UMOD: variants seen among roughly 807,000 people sequenced by gnomAD.
UMOD encodes uromodulin.
UMOD carries 64 observed loss-of-function variants against 66.0 expected under a neutral mutation model. The observed-to-expected ratio is 0.97, with a 90% CI of 0.79 to 1.19. The LOEUF (loss-of-function observed/expected upper bound fraction) is 1.19. UMOD is among the 50% of genes most tolerant of loss of function. The probability of loss-of-function intolerance (pLI) is 0.00; values close to 1 mark genes in which losing one functional copy is unlikely to be tolerated. For missense variants in UMOD, 764 were observed against 850.9 expected, an observed-to-expected ratio of 0.90 and a Z score of 1.27; for synonymous variants, 398 against 352.7, an observed-to-expected ratio of 1.13 and a Z score of -1.44.
intron 1 of UMOD, 141 bp from the exon 2 acceptor site, chr16:20,350,980 GT>G: frequency 1.3e-6 from 1 of 788,384 alleles, no homozygotes; most frequent in East Asian, 3.3e-5. Context: ...TGCAGCCCTT[GT>G]TTTGCTGGGA....
In UMOD at chr16:20,341,181, A is replaced by G. The variant is rs1462975176; in HGVS notation, c.1487T>C (p.Leu496Pro). 1 of 1,614,068 alleles carries G rather than the reference A, an allele frequency of 6.2e-7. No individual in the cohort carries two copies. Among genetic ancestry groups the G allele is most frequent in the Non-Finnish European group, 8.5e-7 (1 of 1,180,014 alleles). ...GGTCATGAGCAGTGCAAATCGGGAC[A>G]GGTCGCCCCCATCCAACATGGTGCC... ...YVGTMLDGGD[L>P]SRFALLMTNC... Residue 496 changes from leucine (L) to proline (P), a missense_variant, in exon 7 of 11, where the codon CTG becomes CCG. By Grantham distance (98) the Leu-to-Pro change is moderately conservative. Transcript: ENST00000396138.
chr16:20,339,825 G>A (rs1007172458), intron 7 of UMOD, among the ~76,000 whole-genome samples: 1 of 152,144 alleles, frequency 6.6e-6, no homozygotes, highest in Non-Finnish European at 1.5e-5. Flanking sequence ...TCTATTTACT[G>A]TGAAATCCAC....
At chr16:20,344,533 G>A (rs1331509294) in intron 5 of UMOD, among the ~76,000 whole-genome samples, 1 of 151,078 alleles carries the variant, frequency 6.6e-6, no homozygotes, top group African/African-American at 2.4e-5. Context: ...AACCCGGGAG[G>A]CAGAGCTTGC....
In UMOD at chr16:20,346,309, C is replaced by T. The variant is rs372276077; in HGVS notation, c.999G>A (p.Leu333=). ...ITDISLLEHR[L]ECGANDMKVS... ...CCTTCATGTCATTGGCCCCACATTC[C>T]AGCCTGTGCTCCAGGAGGGAGATAT... The change falls in exon 5 of 11, where the codon CTG becomes CTA. Residue 333 remains leucine, a synonymous_variant. Transcript: ENST00000396138. 2 of 1,614,136 alleles carry T rather than the reference C, an allele frequency of 1.2e-6. No homozygotes were observed. Among genetic ancestry groups the T allele is most frequent in the African/African-American group, 1.3e-5 (1 of 74,938 alleles).
intron 7 of UMOD, 26 bp from the exon 8 acceptor site, chr16:20,337,479 G>C (rs1208267798): frequency 1.2e-6 from 2 of 1,614,056 alleles, no homozygotes; most frequent in Non-Finnish European, 1.7e-6. Context: ...ATCATTTAAT[G>C]TGGTTGGTTA....
rs1057515585 is a variant in UMOD, at chr16:20,348,811, C to T, written c.490G>A (p.Glu164Lys). 2 of 1,545,594 alleles carry T rather than the reference C, an allele frequency of 1.3e-6. No homozygotes were observed. The highest frequency in any genetic ancestry group is 1.7e-6 in the Non-Finnish European group (2 of 1,146,544). The change falls in exon 3 of 11, where the codon GAG (glutamate) becomes AAG (lysine). Residue 164 changes from glutamate (E) to lysine (K), a missense_variant. Coordinates refer to ENST00000396138, the MANE Select transcript of UMOD (RefSeq NM_003361.4). Reference sequence around the variant, plus strand: ...TCCGCGCACACGAGCGCGTCGCCCTCGGGCACGCAGTCCAACCCCGGCCCG... The same window carrying T: ...TCCGCGCACACGAGCGCGTCGCCCTTGGGCACGCAGTCCAACCCCGGCCCG... Reference protein sequence around the residue: ...SCGPGLDCVPEGDALVCADPC... With the variant: ...SCGPGLDCVPKGDALVCADPC...
At chr16:20,344,208 A>G (rs769308446) in intron 5 of UMOD, 36 bp from the exon 6 acceptor site, 1 of 1,562,656 alleles carries the variant, frequency 6.4e-7, no homozygotes, top group Non-Finnish European at 8.8e-7. Flanking sequence ...GGGGGTGGGG[A>G]TGAGAGAAAG....
Position 20,349,043 on chromosome 16 carries a change from C to A in UMOD, c.258G>T (p.Thr86=), listed in dbSNP as rs974048760. The change falls in exon 3 of 11, where the codon ACG becomes ACT. Residue 86 remains threonine, a synonymous_variant. Coordinates refer to ENST00000396138, the MANE Select transcript of UMOD (RefSeq NM_003361.4). ...GGCAGACGCAGGAGAAGGAGCCTGGCGTGTTTACGCAGCTGCTGTTGGCGG... is the reference window on the plus strand; with the variant it reads ...GGCAGACGCAGGAGAAGGAGCCTGGAGTGTTTACGCAGCTGCTGTTGGCGG... ...NCSANSSCVN[T]PGSFSCVCPE... 2 of 1,601,518 alleles carry A rather than the reference C, an allele frequency of 1.2e-6. No homozygotes were observed. Among genetic ancestry groups the A allele is most frequent in the South Asian group, 1.1e-5 (1 of 89,102 alleles).
intron 2 of UMOD, chr16:20,349,676 A>ATTCCCACG: frequency 6.8e-7 from 1 of 1,464,464 alleles, no homozygotes. Context: ...AAATAGCCAC[A>ATTCCCACG]TTCAGAAAAG....
chr16:20,356,187 C>T (rs956738932), upstream of UMOD: 1 of 152,230 alleles, frequency 6.6e-6, no homozygotes, highest in African/African-American at 2.4e-5. Flanking sequence ...TTACCTGTCC[C>T]ACCTACCTCT....
At position 20,337,318 on chromosome 16, in the gene UMOD, A is replaced by G. The variant is rs1343644813; in HGVS notation, c.1713T>C (p.Cys571=). The change falls in exon 8 of 11, where the codon TGT becomes TGC. Residue 571 remains cysteine, a synonymous_variant. Transcript: ENST00000396138. ...LVYLHCEVYL[C]DTMNEKCKPT... ...GCTTGCACTTTTCATTCATGGTGTC[A>G]CAGAGATAGACTTCACAGTGCAGGT... The G allele has an allele frequency of 1.2e-6, 2 of 1,614,220 alleles. No individual in the cohort carries two copies. The highest frequency in any genetic ancestry group is 2.2e-5 in the East Asian group (1 of 44,892).
chr16:20,348,895 C>T lies in UMOD; in HGVS notation c.406G>A (p.Val136Ile), dbSNP rs1246523470. The change falls in exon 3 of 11, where the codon GTA (valine) becomes ATA (isoleucine). Residue 136 changes from valine to isoleucine, a missense_variant. Val to Ile is a conservative substitution (Grantham distance 29). Transcript: ENST00000396138. ...CVNVVGSYLC[V>I]CPAGYRGDGW... Reference sequence around the variant, plus strand: ...TCCCCCCGGTAGCCCGCGGGGCATACGCACAAGTAGCTGCCCACCACATTG... The same window carrying T: ...TCCCCCCGGTAGCCCGCGGGGCATATGCACAAGTAGCTGCCCACCACATTG... 2 of 1,556,972 alleles carry T rather than the reference C, an allele frequency of 1.3e-6. No homozygotes were observed. Among genetic ancestry groups the T allele is most frequent in the Non-Finnish European group, 8.7e-7 (1 of 1,151,198 alleles).
chr16:20,355,622 A>T (rs1303433757), upstream of UMOD, among the ~76,000 whole-genome samples: 1 of 151,480 alleles, frequency 6.6e-6, no homozygotes, highest in Non-Finnish European at 1.5e-5. Context: ...CTGGTCTCGA[A>T]CTCCTGACCT....
chr16:20,344,039 A>G lies in UMOD; in HGVS notation c.1316T>C (p.Leu439Pro), dbSNP rs1965389051. The change falls in exon 6 of 11, where the codon CTA becomes CCA. Residue 439 changes from leucine to proline, a missense_variant. Leu to Pro is a moderately conservative substitution (Grantham distance 98). Transcript: ENST00000396138. ...CTGGCCACACCTGACCATTGGCTGT[A>G]GGGCGGTCTTCAGGCTGACTTTCAT... Reference protein sequence around the residue: ...LDMKVSLKTALQPMVSALNIR... With the variant: ...LDMKVSLKTAPQPMVSALNIR... 1.9e-6 allele frequency: 3 copies of G among 1,613,802 alleles called. No individual in the cohort carries two copies. Among genetic ancestry groups the G allele is most frequent in the Admixed American group, 3.3e-5 (2 of 60,018 alleles).
At chr16:20,340,503 A>C (rs1289931518) in intron 7 of UMOD, among the ~76,000 whole-genome samples, 3 of 150,214 alleles carry the variant, frequency 2.0e-5, no homozygotes, top group Non-Finnish European at 4.4e-5. Context: ...TAATACATAA[A>C]TATATATTTG....
rs1172018079 is a variant in UMOD, at chr16:20,349,155, G to T, written c.146C>A (p.Thr49Lys). ...GGTGAAGCCCTCCTGACAGGTGCACGTCGTAACGGCCTCATCCTCCGTGCA... is the reference window on the plus strand; with the variant it reads ...GGTGAAGCCCTCCTGACAGGTGCACTTCGTAACGGCCTCATCCTCCGTGCA... The part of the protein sequence containing the change: ...ATCTEDEAVT[T>K]CTCQEGFTGD... Residue 49 changes from threonine (T) to lysine (K), a missense_variant, in exon 3 of 11, where the codon ACG becomes AAG. Thr to Lys is a moderately conservative substitution (Grantham distance 78, BLOSUM62 -1). Transcript: ENST00000396138. The T allele has an allele frequency of 2.5e-6, 4 of 1,613,982 alleles. No individual in the cohort carries two copies. The highest frequency in any genetic ancestry group is 1.7e-5 in the Admixed American group (1 of 60,004).
At chr16:20,335,167 G>C (rs1185148814) in intron 10 of UMOD, among the ~76,000 whole-genome samples, 1 of 152,198 alleles carries the variant, frequency 6.6e-6, no homozygotes, top group African/African-American at 2.4e-5. Context: ...AAGTGTTAGA[G>C]AGGAGGCTTG....
rs79245268 is a variant in UMOD at position 20,350,793 on chromosome 16, C to T, written c.-56G>A. 1.0e-2 allele frequency: 16,074 copies of T among 1,611,088 alleles called. 683 individuals carry two copies. The highest frequency in any genetic ancestry group is 0.094 in the South Asian group (8,544 of 90,588). ...AGATAGCACCTGCCCAAAGGAAAGA[C>T]GGGTTGGCCCTTTGAATTTTTCTCT... On this transcript the variant is annotated 5_prime_UTR_variant, in exon 2 of 11. Transcript: ENST00000396138.
At position 20,348,590 on chromosome 16, in the gene UMOD, G is replaced by T. The variant is rs867105183; in HGVS notation, c.711C>A (p.Ser237=). The T allele has an allele frequency of 6.3e-7, 1 of 1,592,120 alleles. No individual in the cohort carries two copies. Among genetic ancestry groups the T allele is most frequent in the East Asian group, 2.3e-5 (1 of 44,084 alleles). The change falls in exon 3 of 11, where the codon TCC becomes TCA. Residue 237 remains serine (S), a synonymous_variant. Coordinates refer to ENST00000396138, the MANE Select transcript of UMOD (RefSeq NM_003361.4). ...APMWLNGTHP[S]SDEGIVSRKA... Reference sequence around the variant, plus strand: ...TGCGGCTCACGATGCCCTCGTCGCTGGACGGATGCGTGCCATTGAGCCACA... The same window carrying T: ...TGCGGCTCACGATGCCCTCGTCGCTTGACGGATGCGTGCCATTGAGCCACA...
Sources: allele counts gnomAD v4.1 joint callset (sites outside exome capture counted in the v4.1 genomes callset), GRCh38; gene constraint gnomAD v4.1.1; transcripts MANE v1.5; gene names NCBI Gene and HGNC (gene_info 2026-07-23, HGNC 2026-07-21).